ERC2: variants seen among roughly 807,000 people sequenced by gnomAD.
ERC2 encodes ERC protein 2.
ERC2 carries 42 observed loss-of-function variants against 114.8 expected under a neutral mutation model. That is an observed-to-expected ratio of 0.37 (90% CI 0.29 to 0.47). The LOEUF is 0.47. Among genes scored for constraint, ERC2 ranks in the 20% least tolerant of loss-of-function variants. The pLI is 0.99. For missense variants in ERC2, 939 were observed against 1,150.7 expected (o/e 0.82, Z 2.66); for synonymous variants, 454 against 425.5 (o/e 1.07, Z -0.82).
chr3:56,270,136 T>A (rs1176279381), intron 3 of ERC2, among the ~76,000 whole-genome samples: 2 of 147,760 alleles, frequency 1.4e-5, no homozygotes, highest in African/African-American at 5.0e-5. Flanking sequence ...GAAAAACAAA[T>A]CTCTAAGTTT....
chr3:56,158,409 CTAAAATAGGCTTATT>C (rs2081858868), intron 4 of ERC2, among the ~76,000 whole-genome samples: 1 of 152,178 alleles, frequency 6.6e-6, no homozygotes, highest in African/African-American at 2.4e-5. Context: ...CTCTCTCTGC[CTAAAATAGGCTTATT>C]TAGTTCCTTC....
At chr3:56,086,777 T>C (rs1396654619) in intron 6 of ERC2, among the ~76,000 whole-genome samples, 2 of 152,138 alleles carry the variant, frequency 1.3e-5, no homozygotes, top group Non-Finnish European at 2.9e-5. Context: ...ATATTCTGAC[T>C]CCACTCAACA....
At chr3:56,088,040 T>A (rs567805817) in intron 6 of ERC2, among the ~76,000 whole-genome samples, 1 of 152,234 alleles carries the variant, frequency 6.6e-6, no homozygotes, top group Non-Finnish European at 1.5e-5. Context: ...TTTGGGAAGA[T>A]GAAACGCTGT....
chr3:55,733,270 G>A (rs2065373387), intron 15 of ERC2, among the ~76,000 whole-genome samples: 1 of 152,092 alleles, frequency 6.6e-6, no homozygotes, highest in South Asian at 2.1e-4. Context: ...AAAGAGGTCA[G>A]GTGTAAGCAA....
At chr3:56,047,455 C>T (rs139850214) in intron 7 of ERC2, among the ~76,000 whole-genome samples, 5 of 152,288 alleles carry the variant, frequency 3.3e-5, no homozygotes, top group African/African-American at 1.2e-4. Context: ...AGGAGTCCTT[C>T]TAGAGGAAAA....
chr3:56,209,977 A>T (rs2048960653), intron 3 of ERC2, among the ~76,000 whole-genome samples: 1 of 152,210 alleles, frequency 6.6e-6, no homozygotes, highest in African/African-American at 2.4e-5. Context: ...TTTACACACA[A>T]ACAAACCCCA....
At chr3:55,554,040 T>C (rs1295338223) in intron 17 of ERC2, among the ~76,000 whole-genome samples, 1 of 152,222 alleles carries the variant, frequency 6.6e-6, no homozygotes, top group Admixed American at 6.5e-5. Flanking sequence ...TAATCCTGCC[T>C]AGGCTTAACT....
chr3:56,252,025 T>C (rs1197670275), intron 3 of ERC2, among the ~76,000 whole-genome samples: 4 of 152,194 alleles, frequency 2.6e-5, no homozygotes, highest in Non-Finnish European at 4.4e-5. Flanking sequence ...TCAAGTTCCA[T>C]GGCAGGTGTG....
intron 14 of ERC2, among the ~76,000 whole-genome samples, chr3:55,861,484 A>C (rs1324435168): frequency 6.6e-6 from 1 of 152,226 alleles, no homozygotes; most frequent in Non-Finnish European, 1.5e-5. Context: ...CCTGTGAAAA[A>C]TATTCTAAGA....
chr3:55,763,725 C>A (rs780528823), intron 14 of ERC2, among the ~76,000 whole-genome samples: 2 of 152,104 alleles, frequency 1.3e-5, no homozygotes, highest in African/African-American at 2.4e-5. Context: ...ATAATGAATG[C>A]CCACAAGCCC....
At chr3:55,809,772 T>C (rs1472808510) in intron 14 of ERC2, among the ~76,000 whole-genome samples, 1 of 151,890 alleles carries the variant, frequency 6.6e-6, no homozygotes, top group Non-Finnish European at 1.5e-5. Context: ...AGGTTTGTGG[T>C]AAGAAATTAG....
At position 56,340,537 on chromosome 3, in the gene ERC2, A is replaced by AATGTGT. The variant is rs1437422621; in HGVS notation, c.658-44103_658-44102insACACAT. 2.8e-4 allele frequency among the ~76,000 whole-genome samples: 21 copies of AATGTGT among 74,240 alleles called. 1 individual carries two copies. Among genetic ancestry groups the AATGTGT allele is most frequent in the South Asian group, 2.2e-3 (3 of 1,366 alleles). The allele number at this position is 74,240 out of a possible 152,430, so 48.7% of individuals were successfully genotyped here. A position where few individuals can be genotyped will look rare whatever the true frequency, so the allele number is the denominator to read the frequency against. On this transcript the variant is annotated intron_variant, in intron 2 of 17. Transcript: ENST00000288221. Reference sequence around the variant, plus strand: ...GTTTGTGTGTGAGAGAGAGAGAGAGAGTGAATGTGTGTGTGTGTGTGTGTG... The same window carrying AATGTGT: ...GTTTGTGTGTGAGAGAGAGAGAGAGAATGTGTGTGAATGTGTGTGTGTGTGTGTGTG...
At chr3:55,836,923 C>T (rs955440466) in intron 14 of ERC2, among the ~76,000 whole-genome samples, 5 of 152,126 alleles carry the variant, frequency 3.3e-5, no homozygotes, top group Non-Finnish European at 7.4e-5. Flanking sequence ...AAACTAACAA[C>T]CCCATCAAAA....
chr3:55,867,653 T>G (rs2062388131), intron 14 of ERC2, among the ~76,000 whole-genome samples: 3 of 152,222 alleles, frequency 2.0e-5, no homozygotes, highest in Non-Finnish European at 4.4e-5. Context: ...TCAAGTCTTT[T>G]TCTTGAGTAA....
At chr3:55,849,691 A>T (rs1028136968) in intron 14 of ERC2, among the ~76,000 whole-genome samples, 1 of 152,124 alleles carries the variant, frequency 6.6e-6, no homozygotes, top group African/African-American at 2.4e-5. Flanking sequence ...TCCAAGGACT[A>T]AGTTGAGGGA....
intron 16 of ERC2, among the ~76,000 whole-genome samples, chr3:55,684,444 C>A (rs140324006): frequency 2.6e-5 from 4 of 152,114 alleles, no homozygotes; most frequent in Non-Finnish European, 5.9e-5. Flanking sequence ...TTGACAGATT[C>A]TATTTTGCTC....
intron 17 of ERC2, among the ~76,000 whole-genome samples, chr3:55,631,224 A>AT (rs1161022949): frequency 6.6e-6 from 1 of 152,162 alleles, no homozygotes; most frequent in Admixed American, 6.5e-5. Context: ...GACTCAATGA[A>AT]TGTTTAATTG....
At chr3:55,647,624 C>T (rs928489045) in intron 17 of ERC2, among the ~76,000 whole-genome samples, 26 of 152,104 alleles carry the variant, frequency 1.7e-4, no homozygotes, top group African/African-American at 5.3e-4. Flanking sequence ...AATATCTTTA[C>T]GTAGACTTAA....
chr3:56,363,043 G>A (rs11920229), intron 2 of ERC2, among the ~76,000 whole-genome samples: 45,853 of 152,026 alleles, frequency 0.3, 7,066 homozygotes, highest in Admixed American at 0.32. Flanking sequence ...AGACTATGCA[G>A]CAGTATAATG....
Sources: allele counts gnomAD v4.1 joint callset (sites outside exome capture counted in the v4.1 genomes callset), GRCh38; gene constraint gnomAD v4.1.1; transcripts MANE v1.5; gene names NCBI Gene and HGNC (gene_info 2026-07-23, HGNC 2026-07-21).